Variants in UBLCP1 observed in about 807,000 individuals in gnomAD.
UBLCP1 encodes the protein ubiquitin like domain containing CTD phosphatase 1.
UBLCP1 carries 28 observed loss-of-function variants against 42.4 expected under a neutral mutation model. That is an observed-to-expected ratio of 0.66 (90% confidence interval 0.49 to 0.90). UBLCP1 has a LOEUF of 0.90. Ranked by LOEUF, UBLCP1 falls within the 40% of genes least tolerant of loss-of-function variation. The pLI, the probability that UBLCP1 is intolerant of heterozygous loss-of-function variation, is 0.00. For missense variants in UBLCP1, 279 were observed against 374.5 expected, an observed-to-expected ratio of 0.75 and a Z score of 2.10; for synonymous variants, 122 against 120.8, an observed-to-expected ratio of 1.01 and a Z score of -0.07.
chr5:159,272,915 C>A (rs531609652), intron 6 of UBLCP1, among the ~76,000 whole-genome samples: 1 of 152,312 alleles, frequency 6.6e-6, no homozygotes, highest in Admixed American at 6.5e-5. Context: ...TGATTTACAT[C>A]CCTCCTCCCC....
chr5:159,269,756 C>T, intron 2 of UBLCP1, 152 bp from the exon 3 acceptor site: 1 of 657,648 alleles, frequency 1.5e-6, no homozygotes, highest in Admixed American at 3.2e-5. Context: ...ACTAATTCAG[C>T]AGAAACAATT....
intron 1 of UBLCP1, among the ~76,000 whole-genome samples, chr5:159,264,005 G>C (rs1730127926): frequency 6.6e-6 from 1 of 152,150 alleles, no homozygotes; most frequent in Non-Finnish European, 1.5e-5. Context: ...TGAGATAATT[G>C]TTTAGCATGT....
chr5:159,274,644 AT>A, intron 7 of UBLCP1, 22 bp downstream of exon 7: 1 of 1,596,292 alleles, frequency 6.3e-7, no homozygotes, highest in Non-Finnish European at 8.6e-7. Context: ...AAAGCAATCC[AT>A]TTAAAAATAT....
At chr5:159,278,190 G>A (rs1473498180) in intron 8 of UBLCP1, 48 bp from the exon 9 acceptor site, 1 of 1,324,126 alleles carries the variant, frequency 7.6e-7, no homozygotes, top group Admixed American at 1.7e-5. Flanking sequence ...TTTAAGACAG[G>A]ATGAAATATT....
intron 9 of UBLCP1, among the ~76,000 whole-genome samples, chr5:159,278,643 G>A (rs997730202): frequency 1.3e-5 from 2 of 152,010 alleles, no homozygotes; most frequent in South Asian, 4.2e-4. Flanking sequence ...TGCGATCTCG[G>A]CTCGCTGCAA....
intron 9 of UBLCP1, among the ~76,000 whole-genome samples, chr5:159,278,846 A>T (rs1427669487): frequency 6.6e-6 from 1 of 152,158 alleles, no homozygotes; most frequent in African/African-American, 2.4e-5. Flanking sequence ...TGCTGGGATT[A>T]CAGGCATGAG....
Position 159,272,103 on chromosome 5 carries a change from T to C in UBLCP1, c.529T>C (p.Tyr177His). The change falls in exon 6 of 11, where the codon TAT becomes CAT. Residue 177 changes from tyrosine (Y) to histidine (H), a missense_variant. Tyr to His is a moderately conservative substitution (Grantham distance 83). Transcript: ENST00000296786. ...ATTTCTAACATCTGCCTATGAAGAT[T>C]ATGACATTGTTATTTGGTGTAAGCT... The part of the protein sequence containing the change: ...HEFLTSAYED[Y>H]DIVIWSATNM... 6.2e-7 allele frequency: 1 copy of C among 1,612,894 alleles called. No individual in the cohort carries two copies. The highest frequency in any genetic ancestry group is 1.1e-5 in the South Asian group (1 of 91,054).
At chr5:159,270,226 T>G (rs74338255) in intron 3 of UBLCP1, 134 bp from the exon 4 acceptor site, 2 of 818,352 alleles carry the variant, frequency 2.4e-6, no homozygotes, top group Non-Finnish European at 3.8e-6. Context: ...GAATTATTAA[T>G]TGTGGAAATT....
chr5:159,275,196 G>T lies in UBLCP1; in HGVS notation c.634G>T (p.Asp212Tyr). The T allele has an allele frequency of 6.2e-7, 1 of 1,613,260 alleles. No homozygotes were observed. Among genetic ancestry groups the T allele is most frequent in the Non-Finnish European group, 8.5e-7 (1 of 1,179,824 alleles). Residue 212 changes from aspartate (D) to tyrosine (Y), a missense_variant, in exon 8 of 11, where the codon GAT becomes TAT. Physicochemically the swap from Asp to Tyr is radical, Grantham distance 160. Transcript: ENST00000296786. ...NANYKITFML[D>Y]SAAMITVHTP... Reference sequence around the variant, plus strand: ...AAATTATAAGATTACTTTCATGTTGGATAGTGCTGCTATGATAACAGTACA... The same window carrying T: ...AAATTATAAGATTACTTTCATGTTGTATAGTGCTGCTATGATAACAGTACA...
In UBLCP1 at chr5:159,285,245, A is replaced by ACAC. The variant is rs1753661818; in HGVS notation, c.*314_*315insCAC. On this transcript the variant is annotated 3_prime_UTR_variant, in exon 11 of 11. Transcript: ENST00000296786. Reference sequence around the variant, plus strand: ...ACACACACACACACACACACACACAAAGTGGAGAAAAATGTATACTCAACA... The same window carrying ACAC: ...ACACACACACACACACACACACACAACACAGTGGAGAAAAATGTATACTCAACA... 4 of 102,366 alleles carry ACAC rather than the reference A, an allele frequency of 3.9e-5. No homozygotes were observed. The highest frequency in any genetic ancestry group is 5.9e-5 in the Non-Finnish European group (3 of 50,826). 6.3% of individuals were successfully genotyped at this position (102,366 alleles called of 1,614,324 possible).
At chr5:159,273,460 A>C (rs970448445) in intron 6 of UBLCP1, among the ~76,000 whole-genome samples, 5 of 152,178 alleles carry the variant, frequency 3.3e-5, no homozygotes, top group Non-Finnish European at 7.4e-5. Flanking sequence ...AGGTCACTTA[A>C]TCTTTCTGAG....
At chr5:159,265,631 C>T (rs1044491323) in intron 1 of UBLCP1, among the ~76,000 whole-genome samples, 2 of 152,056 alleles carry the variant, frequency 1.3e-5, no homozygotes, top group African/African-American at 4.8e-5. Context: ...TCATGGGGGC[C>T]GATTTTTCCC....
chr5:159,276,393 AAT>A (rs1277796549), intron 8 of UBLCP1, among the ~76,000 whole-genome samples: 1 of 152,226 alleles, frequency 6.6e-6, no homozygotes. Context: ...CAAAACCATA[AAT>A]AGAATGATTT....
At chr5:159,278,831 A>G (rs1753571253) in intron 9 of UBLCP1, among the ~76,000 whole-genome samples, 1 of 150,438 alleles carries the variant, frequency 6.6e-6, no homozygotes, top group African/African-American at 2.4e-5. Context: ...TCGACCTCCC[A>G]CAAGTGCTGG....
chr5:159,281,025 A>C (rs2113322286), intron 9 of UBLCP1, among the ~76,000 whole-genome samples: 1 of 152,346 alleles, frequency 6.6e-6, no homozygotes, highest in Admixed American at 6.5e-5. Flanking sequence ...AATGTACAGT[A>C]AACAGTGGTT....
At chr5:159,272,651 G>A (rs530046710) in intron 6 of UBLCP1, among the ~76,000 whole-genome samples, 2 of 152,208 alleles carry the variant, frequency 1.3e-5, no homozygotes, top group South Asian at 4.1e-4. Flanking sequence ...GGAAAAAGGT[G>A]TTTAAAACAA....
intron 6 of UBLCP1, among the ~76,000 whole-genome samples, chr5:159,272,499 C>A (rs1584739058): frequency 1.3e-5 from 2 of 152,012 alleles, no homozygotes; most frequent in East Asian, 1.9e-4. Flanking sequence ...AGTGATCCTC[C>A]TGCCTTGGCC....
In UBLCP1 at chr5:159,269,931, A is replaced by G; in HGVS notation, c.178A>G (p.Lys60Glu). Residue 60 changes from lysine (K) to glutamate (E), a missense_variant, in exon 3 of 11, where the codon AAG becomes GAG. Physicochemically the swap from Lys to Glu is moderately conservative, Grantham distance 56 (BLOSUM62 1). Coordinates refer to ENST00000296786, the MANE Select transcript of UBLCP1 (RefSeq NM_145049.5). ...AGGCAAACCTGCAGAAAATGATGTT[A>G]AGCTTGGAGCTCTCAAACTGAAACC... ...VKGKPAENDVKLGALKLKPNT... is the reference protein window; with the variant it reads ...VKGKPAENDVELGALKLKPNT... 2 of 1,613,146 alleles carry G rather than the reference A, an allele frequency of 1.2e-6. No homozygotes were observed. Among genetic ancestry groups the G allele is most frequent in the Non-Finnish European group, 1.7e-6 (2 of 1,179,604 alleles).
At chr5:159,270,703 T>A in intron 5 of UBLCP1, 60 bp downstream of exon 5, 1 of 1,168,504 alleles carries the variant, frequency 8.6e-7, no homozygotes. Context: ...TTTTTTCTTT[T>A]CTTTGTTTTT....
Sources: gnomAD v4.1 joint callset for allele counts (sites outside exome capture counted in the v4.1 genomes callset) on GRCh38, gnomAD v4.1.1 for gene constraint, MANE v1.5 for transcripts, NCBI Gene and HGNC (gene_info 2026-07-23, HGNC 2026-07-21) for gene names.